Variants in SPTLC3 observed in about 807,000 individuals in gnomAD.
SPTLC3 encodes serine palmitoyltransferase 3.
In SPTLC3, 36 loss-of-function variants were observed where a neutral mutation model predicts 59.3. The ratio of observed to expected loss-of-function variants is 0.61; its 90% CI spans 0.47 to 0.80. The LOEUF (loss-of-function observed/expected upper bound fraction) is 0.80, where lower values mean the gene tolerates loss of function less well. Ranked by LOEUF, SPTLC3 falls within the 30% of genes least tolerant of loss-of-function variation. The pLI is 0.00. For synonymous variants in SPTLC3, 257 were observed against 240.8 expected (o/e 1.07, Z -0.62); for missense variants, 625 against 685.1 (o/e 0.91, Z 0.98).
intron 9 of SPTLC3, among the ~76,000 whole-genome samples, chr20:13,146,379 G>A (rs112891768): frequency 2.6e-5 from 4 of 151,892 alleles, no homozygotes; most frequent in Admixed American, 1.3e-4. Flanking sequence ...CCCACGACAC[G>A]TGTTTACCTA....
intron 1 of SPTLC3, among the ~76,000 whole-genome samples, chr20:13,028,327 G>C (rs1486470830): frequency 6.6e-6 from 1 of 152,118 alleles, no homozygotes; most frequent in Non-Finnish European, 1.5e-5. Flanking sequence ...CTGATGTCTG[G>C]TGATTCAGTC....
chr20:13,065,281 T>C (rs4814196), intron 2 of SPTLC3, among the ~76,000 whole-genome samples: 58,523 of 146,468 alleles, frequency 0.4, 11,776 homozygotes, highest in Middle Eastern at 0.56. Context: ...TTTTTTTTTT[T>C]CTAAAGTGTT....
intron 7 of SPTLC3, among the ~76,000 whole-genome samples, chr20:13,112,013 T>G (rs577258541): frequency 1.3e-5 from 2 of 152,224 alleles, no homozygotes; most frequent in East Asian, 3.9e-4. Flanking sequence ...CAAGCCAGAG[T>G]GGTACCAAAC....
intron 2 of SPTLC3, among the ~76,000 whole-genome samples, chr20:13,067,749 C>A (rs243883): frequency 0.41 from 62,186 of 151,916 alleles, 12,836 homozygotes; most frequent in Middle Eastern, 0.57. Context: ...CCTTATCAAC[C>A]AAAAGGAAAA....
At chr20:13,102,077 AAAG>A (rs1174613915) in intron 6 of SPTLC3, among the ~76,000 whole-genome samples, 1 of 152,222 alleles carries the variant, frequency 6.6e-6, no homozygotes, top group Non-Finnish European at 1.5e-5. Flanking sequence ...GGAGGAAGAA[AAAG>A]AAGGCCAGTG....
intron 1 of SPTLC3, among the ~76,000 whole-genome samples, chr20:13,037,851 G>C (rs1025520923): frequency 8.5e-5 from 13 of 152,050 alleles, no homozygotes; most frequent in African/African-American, 2.9e-4. Context: ...TCACCCTGTA[G>C]CTTTTCCTTC....
intron 1 of SPTLC3, among the ~76,000 whole-genome samples, chr20:13,044,732 C>A (rs899930424): frequency 2.0e-5 from 3 of 152,094 alleles, no homozygotes; most frequent in East Asian, 1.9e-4. Flanking sequence ...TCAAAAGTGA[C>A]CTTTACTAGC....
intron 9 of SPTLC3, among the ~76,000 whole-genome samples, chr20:13,135,029 C>CT (rs2038211595): frequency 6.6e-6 from 1 of 152,192 alleles, no homozygotes; most frequent in Non-Finnish European, 1.5e-5. Context: ...TTTCACATAA[C>CT]TTTTTGAAGT....
At chr20:13,024,515 T>C (rs917040185) in intron 1 of SPTLC3, among the ~76,000 whole-genome samples, 2 of 152,198 alleles carry the variant, frequency 1.3e-5, no homozygotes, top group Non-Finnish European at 2.9e-5. Flanking sequence ...TATTTTTCTA[T>C]AGTTTTTTTT....
intron 1 of SPTLC3, among the ~76,000 whole-genome samples, chr20:13,011,477 C>G (rs1299325397): frequency 1.3e-5 from 2 of 152,224 alleles, no homozygotes; most frequent in Non-Finnish European, 2.9e-5. Flanking sequence ...ACACAGTTAT[C>G]TCTTTTATAC....
At chr20:13,018,407 A>G (rs532432990) in intron 1 of SPTLC3, among the ~76,000 whole-genome samples, 1 of 152,210 alleles carries the variant, frequency 6.6e-6, no homozygotes. Flanking sequence ...TTTGTTTGGC[A>G]TAAGGACTGT....
At chr20:13,146,751 C>T (rs956591482) in intron 9 of SPTLC3, among the ~76,000 whole-genome samples, 4 of 152,166 alleles carry the variant, frequency 2.6e-5, no homozygotes, top group African/African-American at 9.7e-5. Flanking sequence ...AGCAGCTGGC[C>T]TTGCTCCTGT....
chr20:13,084,145 A>G (rs1481925988), intron 4 of SPTLC3, among the ~76,000 whole-genome samples: 1 of 152,144 alleles, frequency 6.6e-6, no homozygotes, highest in East Asian at 1.9e-4. Context: ...AAGCTTCTAT[A>G]AAGACTGGCA....
chr20:13,126,544 G>A (rs978599775), intron 8 of SPTLC3, 47 bp from the exon 9 acceptor site: 6 of 1,606,312 alleles, frequency 3.7e-6, no homozygotes, highest in Non-Finnish European at 3.4e-6. Context: ...CACCACCAGT[G>A]TTGAGATTTA....
chr20:13,044,475 T>C (rs1035901609), intron 1 of SPTLC3, among the ~76,000 whole-genome samples: 1 of 152,194 alleles, frequency 6.6e-6, no homozygotes, highest in African/African-American at 2.4e-5. Context: ...TTCGTGAGAC[T>C]CTCAGTCCCT....
chr20:13,124,418 T>G (rs923638144), intron 8 of SPTLC3, among the ~76,000 whole-genome samples: 1 of 150,648 alleles, frequency 6.6e-6, no homozygotes, highest in Non-Finnish European at 1.5e-5. Flanking sequence ...AGAAACAGAT[T>G]TAAATAAAGA....
chr20:13,016,230 G>T (rs138703847), intron 1 of SPTLC3, among the ~76,000 whole-genome samples: 349 of 152,186 alleles, frequency 2.3e-3, no homozygotes, highest in African/African-American at 8.2e-3. Flanking sequence ...GCTAGAATCA[G>T]TTTCCATGAG....
At chr20:13,046,560 T>C (rs1363491856) in intron 1 of SPTLC3, among the ~76,000 whole-genome samples, 1 of 152,166 alleles carries the variant, frequency 6.6e-6, no homozygotes, top group African/African-American at 2.4e-5. Context: ...AGGAAGCCAA[T>C]TTTGTGTCCC....
At chr20:13,081,426 GTTTC>G (rs979954120) in intron 4 of SPTLC3, among the ~76,000 whole-genome samples, 1 of 152,068 alleles carries the variant, frequency 6.6e-6, no homozygotes, top group African/African-American at 2.4e-5. Flanking sequence ...CTCTTCCTGT[GTTTC>G]TTTCTCAAAG....
Sources: gnomAD v4.1 joint callset for allele counts (sites outside exome capture counted in the v4.1 genomes callset) on GRCh38, gnomAD v4.1.1 for gene constraint, MANE v1.5 for transcripts, NCBI Gene and HGNC (gene_info 2026-07-23, HGNC 2026-07-21) for gene names.